Variants in FLI1 observed in about 807,000 individuals in gnomAD.
The protein encoded by FLI1 is Fli-1 proto-oncogene, ETS transcription factor, also known as Friend leukemia integration 1 transcription factor.
Under a neutral mutation model 53.1 loss-of-function variants are expected in FLI1, and 13 were observed. The ratio of observed to expected loss-of-function variants is 0.24; its 90% CI spans 0.16 to 0.39. FLI1 has a LOEUF of 0.39. Among genes scored for constraint, FLI1 ranks in the 10% least tolerant of loss-of-function variants. FLI1 has a pLI of 1.00. For synonymous variants in FLI1, 244 were observed against 236.7 expected (o/e 1.03, Z -0.28); for missense variants, 424 against 600.5 (o/e 0.71, Z 3.07).
intron 2 of FLI1, among the ~76,000 whole-genome samples, chr11:128,763,223 A>G (rs614466): frequency 0.84 from 128,564 of 152,186 alleles, 54,650 homozygotes; most frequent in African/African-American, 0.95. Context: ...CTGGCCCAGG[A>G]GCAAAGGGTC....
chr11:128,728,809 T>C (rs2135749526), intron 1 of FLI1, among the ~76,000 whole-genome samples: 1 of 152,318 alleles, frequency 6.6e-6, no homozygotes, highest in Non-Finnish European at 1.5e-5. Context: ...CTACATCAAG[T>C]CCAGGGATAT....
intron 1 of FLI1, among the ~76,000 whole-genome samples, chr11:128,737,511 T>C (rs1252344953): frequency 6.6e-6 from 1 of 152,218 alleles, no homozygotes; most frequent in Non-Finnish European, 1.5e-5. Flanking sequence ...CTCCAAACCA[T>C]GAACTCATCT....
intron 3 of FLI1, among the ~76,000 whole-genome samples, chr11:128,771,645 A>G (rs1210792340): frequency 2.0e-5 from 3 of 152,186 alleles, no homozygotes; most frequent in African/African-American, 7.2e-5. Context: ...AATATGTTAA[A>G]TCAAACAGGC....
intron 1 of FLI1, among the ~76,000 whole-genome samples, chr11:128,742,209 A>G (rs1054834169): frequency 1.3e-5 from 2 of 152,186 alleles, no homozygotes; most frequent in Non-Finnish European, 2.9e-5. Flanking sequence ...AGCCAGTTCC[A>G]TGGAGGAAAA....
chr11:128,757,063 T>TCTTTCTTC (rs1940906848), intron 1 of FLI1, among the ~76,000 whole-genome samples: 1 of 139,672 alleles, frequency 7.2e-6, no homozygotes, highest in Admixed American at 7.1e-5. Flanking sequence ...TTTCTTTCTT[T>TCTTTCTTC]CTTTCTTTCT....
intron 1 of FLI1, among the ~76,000 whole-genome samples, chr11:128,731,421 T>A (rs1939693731): frequency 6.6e-6 from 1 of 151,830 alleles, no homozygotes; most frequent in Non-Finnish European, 1.5e-5. Context: ...CTCGTGTAAC[T>A]TTTGCACCAC....
Position 128,811,070 on chromosome 11 carries a change from G to C in FLI1, c.*82G>C. 1 of 1,305,154 alleles carries C rather than the reference G, an allele frequency of 7.7e-7. No individual in the cohort carries two copies. Among genetic ancestry groups the C allele is most frequent in the East Asian group, 2.3e-5 (1 of 43,138 alleles). 80.8% of individuals were successfully genotyped at this position (1,305,154 alleles called of 1,614,324 possible). A position where few individuals can be genotyped will look rare whatever the true frequency, so the allele number is the denominator to read the frequency against. On this transcript the variant is annotated 3_prime_UTR_variant, in exon 9 of 9. Transcript: ENST00000527786. ...CTTTGGACTCAACAGGACATATGTG[G>C]CCTTGAAGGGAAGACAAAACTGGAT... is the stretch of plus-strand genomic sequence containing the variant.
chr11:128,707,517 G>A (rs757687623), intron 1 of FLI1, among the ~76,000 whole-genome samples: 7 of 152,178 alleles, frequency 4.6e-5, no homozygotes, highest in Non-Finnish European at 8.8e-5. Flanking sequence ...ACTTCCCAGG[G>A]TGCCTTGGGG....
chr11:128,716,689 T>C (rs1157876229), intron 1 of FLI1, among the ~76,000 whole-genome samples: 1 of 152,136 alleles, frequency 6.6e-6, no homozygotes, highest in East Asian at 1.9e-4. Context: ...CACTCTCCTC[T>C]CCCAGTCCAG....
intron 1 of FLI1, among the ~76,000 whole-genome samples, chr11:128,709,141 T>C (rs1277669033): frequency 2.0e-5 from 3 of 152,154 alleles, no homozygotes; most frequent in East Asian, 1.9e-4. Flanking sequence ...ACTTCTCCAA[T>C]CTCCTTTCCT....
intron 1 of FLI1, among the ~76,000 whole-genome samples, chr11:128,736,433 A>G (rs1939921089): frequency 6.6e-6 from 1 of 152,222 alleles, no homozygotes; most frequent in Non-Finnish European, 1.5e-5. Flanking sequence ...CAGGCTTGTC[A>G]TACTTGAAAT....
intron 1 of FLI1, chr11:128,686,729 G>T (rs1036610574): frequency 3.0e-6 from 1 of 329,942 alleles, no homozygotes; most frequent in East Asian, 8.1e-5. Context: ...CTTTAAACAG[G>T]TGATGACCCC....
At chr11:128,688,747 G>A (rs1170279848) in intron 1 of FLI1, among the ~76,000 whole-genome samples, 2 of 152,194 alleles carry the variant, frequency 1.3e-5, no homozygotes, top group African/African-American at 2.4e-5. Flanking sequence ...GAAGAACAAG[G>A]GAAAGGGAGA....
chr11:128,759,292 A>G (rs1941015987), intron 2 of FLI1, among the ~76,000 whole-genome samples: 1 of 152,240 alleles, frequency 6.6e-6, no homozygotes, highest in South Asian at 2.1e-4. Context: ...CATTTATTCC[A>G]CAGCCAGAGG....
chr11:128,707,394 AGAGGT>A (rs1159448217), intron 1 of FLI1, among the ~76,000 whole-genome samples: 1 of 152,170 alleles, frequency 6.6e-6, no homozygotes, highest in East Asian at 1.9e-4. Context: ...GGACTTCCCT[AGAGGT>A]GAGGGACTTG....
intron 4 of FLI1, among the ~76,000 whole-genome samples, chr11:128,780,271 G>T (rs3819826): frequency 0.11 from 16,676 of 152,172 alleles, 1,058 homozygotes; most frequent in East Asian, 0.19. Context: ...ATCTGGAGCT[G>T]CTGCAGAGCT....
intron 1 of FLI1, among the ~76,000 whole-genome samples, chr11:128,752,872 A>G (rs1297092760): frequency 6.6e-6 from 1 of 152,190 alleles, no homozygotes; most frequent in Non-Finnish European, 1.5e-5. Context: ...CCTTGCCCAA[A>G]CTGGAGGAGA....
chr11:128,746,508 G>A (rs532345783), intron 1 of FLI1, among the ~76,000 whole-genome samples: 6 of 152,224 alleles, frequency 3.9e-5, no homozygotes, highest in Admixed American at 1.3e-4. Context: ...CCTTTGTCAC[G>A]CAGAGTCCTC....
intron 1 of FLI1, among the ~76,000 whole-genome samples, chr11:128,737,072 G>A (rs980338834): frequency 4.6e-5 from 7 of 152,202 alleles, no homozygotes; most frequent in African/African-American, 1.7e-4. Flanking sequence ...TGCTCAAGAG[G>A]CAGTATTCTG....
Sources: gnomAD v4.1 joint callset for allele counts (sites outside exome capture counted in the v4.1 genomes callset) on GRCh38, gnomAD v4.1.1 for gene constraint, MANE v1.5 for transcripts, NCBI Gene and HGNC (gene_info 2026-07-23, HGNC 2026-07-21) for gene names.